Variants in KIRREL3 observed in about 807,000 individuals in gnomAD.
KIRREL3 encodes kirre like nephrin family adhesion molecule 3, also known as kin of IRRE-like protein 3.
KIRREL3 carries 36 observed loss-of-function variants against 89.7 expected under a neutral mutation model. That is an observed-to-expected ratio of 0.40 (90% confidence interval 0.31 to 0.53). The LOEUF is 0.53. Among genes scored for constraint, KIRREL3 ranks in the 20% least tolerant of loss-of-function variants. The pLI is 0.49. For synonymous variants in KIRREL3, 445 were observed against 441.4 expected (o/e 1.01, Z -0.10); for missense variants, 864 against 1,056.6 (o/e 0.82, Z 2.53).
intron 1 of KIRREL3, among the ~76,000 whole-genome samples, chr11:126,634,507 C>A (rs767092448): frequency 3.3e-5 from 5 of 152,178 alleles, no homozygotes. Flanking sequence ...CTAATGGACT[C>A]GGAACAAGTC....
chr11:126,851,225 C>G (rs117232989), intron 1 of KIRREL3, among the ~76,000 whole-genome samples: 2,944 of 152,282 alleles, frequency 0.019, 41 homozygotes, highest in Non-Finnish European at 0.029. Flanking sequence ...ATGAAAGAGC[C>G]ATATTTTGGT....
intron 2 of KIRREL3, among the ~76,000 whole-genome samples, chr11:126,533,202 C>G (rs776138418): frequency 6.6e-6 from 1 of 152,148 alleles, no homozygotes; most frequent in Non-Finnish European, 1.5e-5. Flanking sequence ...AGATAGGTAC[C>G]GTATCACACC....
chr11:126,758,691 C>T (rs564799038), intron 1 of KIRREL3, among the ~76,000 whole-genome samples: 52 of 152,278 alleles, frequency 3.4e-4, no homozygotes, highest in African/African-American at 1.2e-3. Flanking sequence ...TGACTGGAGA[C>T]CTTGCATGAT....
intron 1 of KIRREL3, among the ~76,000 whole-genome samples, chr11:126,692,210 C>T (rs1009294142): frequency 6.6e-5 from 10 of 152,058 alleles, no homozygotes; most frequent in Non-Finnish European, 1.2e-4. Flanking sequence ...TCGATTCGCA[C>T]ACCCACGTTC....
chr11:126,775,812 G>A (rs1303994819), intron 1 of KIRREL3, among the ~76,000 whole-genome samples: 2 of 152,152 alleles, frequency 1.3e-5, no homozygotes, highest in South Asian at 4.1e-4. Flanking sequence ...GGGGTGTGGA[G>A]CTGGGGTTTG....
At chr11:126,473,570 C>T (rs1257513594) in intron 4 of KIRREL3, 104 bp from the exon 5 acceptor site, 3 of 964,222 alleles carry the variant, frequency 3.1e-6, no homozygotes, top group Non-Finnish European at 4.5e-6. Flanking sequence ...CAATAATTAT[C>T]ACACATTAAT....
rs1458756952 is a variant in KIRREL3 at position 126,541,898 on chromosome 11, G to C, written c.134-15211C>G. On this transcript the variant is annotated intron_variant, in intron 2 of 16. Coordinates refer to ENST00000525144, the MANE Select transcript of KIRREL3 (RefSeq NM_032531.4). This position sits in a 1 kb window ranked among gnomAD's most constrained non-coding sequence, Gnocchi z 4.8. Reference sequence around the variant, plus strand: ...GAAGGCATTTTCACACCTTTTGAAAGTTCATGCAACCCTTTTTGTCAGTGA... The same window carrying C: ...GAAGGCATTTTCACACCTTTTGAAACTTCATGCAACCCTTTTTGTCAGTGA... 1.3e-5 allele frequency among the ~76,000 whole-genome samples: 2 copies of C among 152,226 alleles called. No homozygotes were observed. Among genetic ancestry groups the C allele is most frequent in the Non-Finnish European group, 2.9e-5 (2 of 68,044 alleles).
intron 1 of KIRREL3, among the ~76,000 whole-genome samples, chr11:126,597,651 G>A (rs1005276077): frequency 2.6e-5 from 4 of 152,228 alleles, no homozygotes; most frequent in African/African-American, 4.8e-5. Flanking sequence ...AGGTTCTCTC[G>A]AGTGCCTTCC....
At chr11:126,875,341 C>T (rs1406786887) in intron 1 of KIRREL3, among the ~76,000 whole-genome samples, 1 of 152,172 alleles carries the variant, frequency 6.6e-6, no homozygotes, top group African/African-American at 2.4e-5. Context: ...TGGGGAATGA[C>T]ACTGTCAGGG....
Position 126,429,765 on chromosome 11 carries a change from C to G in KIRREL3, c.1697-477G>C, listed in dbSNP as rs1955062166. On this transcript the variant is annotated intron_variant, in intron 14 of 16. Transcript: ENST00000525144. This position sits in a 1 kb window ranked among gnomAD's most constrained non-coding sequence, Gnocchi z 5.2. ...ACGCCCCTGAGGCAGTGGGCAGCTTCTCTGTCGACGCCTCCGTGATGGAAG... is the reference window on the plus strand; with the variant it reads ...ACGCCCCTGAGGCAGTGGGCAGCTTGTCTGTCGACGCCTCCGTGATGGAAG... Among the ~76,000 whole-genome samples the G allele has an allele frequency of 6.6e-6, 1 of 152,250 alleles. No individual in the cohort carries two copies. The highest frequency in any genetic ancestry group is 1.5e-5 in the Non-Finnish European group (1 of 68,048).
intron 1 of KIRREL3, among the ~76,000 whole-genome samples, chr11:126,927,122 C>A (rs966375187): frequency 6.6e-6 from 1 of 152,176 alleles, no homozygotes; most frequent in African/African-American, 2.4e-5. Flanking sequence ...GGAATCAAAG[C>A]CTTTCTTTTC....
At chr11:126,886,189 C>T (rs1592282575) in intron 1 of KIRREL3, among the ~76,000 whole-genome samples, 2 of 152,184 alleles carry the variant, frequency 1.3e-5, no homozygotes, top group Admixed American at 1.3e-4. Context: ...TCTGAGGATG[C>T]AAAGGGTGCA....
rs1240230702 is a variant in KIRREL3, at chr11:126,729,218, A to G, written c.56-166306T>C. Among the ~76,000 whole-genome samples, 1 of 152,248 alleles carries G rather than the reference A, an allele frequency of 6.6e-6. No homozygotes were observed. The highest frequency in any genetic ancestry group is 6.5e-5 in the Admixed American group (1 of 15,288). On this transcript the variant is annotated intron_variant, in intron 1 of 16. Coordinates refer to ENST00000525144, the MANE Select transcript of KIRREL3 (RefSeq NM_032531.4). This position sits in a 1 kb window ranked among gnomAD's most constrained non-coding sequence, Gnocchi z 4.5. The stretch of plus-strand genomic sequence containing the variant: ...AGAGGTCATGAAGAAGGACAGACCC[A>G]GTAGACTGTGGCTCAGCCTTTCTTG...
At chr11:126,617,799 T>C (rs1307814440) in intron 1 of KIRREL3, among the ~76,000 whole-genome samples, 1 of 152,214 alleles carries the variant, frequency 6.6e-6, no homozygotes, top group African/African-American at 2.4e-5. Flanking sequence ...CCACTGTATA[T>C]AAGTAGCAAA....
chr11:126,767,509 C>A (rs1313005719), intron 1 of KIRREL3, among the ~76,000 whole-genome samples: 1 of 151,740 alleles, frequency 6.6e-6, no homozygotes, highest in Admixed American at 6.6e-5. Flanking sequence ...AGTTTTGAAC[C>A]CTGGCCCTGT....
In KIRREL3 at chr11:126,661,948, T is replaced by C. The variant is rs551336804; in HGVS notation, c.56-99036A>G. On this transcript the variant is annotated intron_variant, in intron 1 of 16. Coordinates refer to ENST00000525144, the MANE Select transcript of KIRREL3 (RefSeq NM_032531.4). ...CCAGCCTTCGAAACAGCATTCTTCT[T>C]CTTTACAGGATGACAGGAAATAAAA... is the stretch of plus-strand genomic sequence containing the variant. Among the ~76,000 whole-genome samples the C allele has an allele frequency of 1.3e-4, 20 of 152,302 alleles. No homozygotes were observed. In the South Asian group the frequency reaches 4.1e-3, roughly 32 times the overall value.
At position 126,607,415 on chromosome 11, in the gene KIRREL3, G is replaced by A. The variant is rs1333727414; in HGVS notation, c.56-44503C>T. 6.6e-6 allele frequency among the ~76,000 whole-genome samples: 1 copy of A among 152,134 alleles called. No individual in the cohort carries two copies. Among genetic ancestry groups the A allele is most frequent in the Non-Finnish European group, 1.5e-5 (1 of 68,032 alleles). On this transcript the variant is annotated intron_variant, in intron 1 of 16. Coordinates refer to ENST00000525144, the MANE Select transcript of KIRREL3 (RefSeq NM_032531.4). This position sits in a 1 kb window ranked among gnomAD's most constrained non-coding sequence, Gnocchi z 6.6. ...GGGCTGGAGGAGAGATCAGGAAGGAGAGATCCACATCTGGCTCCGAGCTGA... is the reference window on the plus strand; with the variant it reads ...GGGCTGGAGGAGAGATCAGGAAGGAAAGATCCACATCTGGCTCCGAGCTGA...
chr11:126,938,085 C>T (rs1471451115), intron 1 of KIRREL3, among the ~76,000 whole-genome samples: 2 of 152,190 alleles, frequency 1.3e-5, no homozygotes, highest in East Asian at 3.9e-4. Flanking sequence ...TGAATCCCTA[C>T]TTGTTTATAC....
rs570296896 is a variant in KIRREL3 at position 126,843,339 on chromosome 11, G to A, written c.55+157116C>T. 2.6e-4 allele frequency among the ~76,000 whole-genome samples: 39 copies of A among 152,326 alleles called. No homozygotes were observed. The highest frequency in any genetic ancestry group is 8.7e-4 in the African/African-American group (36 of 41,574). ...CCTCGAAGTCAAAGGCAATCTGGAA[G>A]ATCTCCAAGTGTAAAGGTGCATGAG... On this transcript the variant is annotated intron_variant, in intron 1 of 16. Transcript: ENST00000525144. This position sits in a 1 kb window ranked among gnomAD's most constrained non-coding sequence, Gnocchi z 4.6.
Sources: gnomAD v4.1 joint callset for allele counts (sites outside exome capture counted in the v4.1 genomes callset) on GRCh38, gnomAD v4.1.1 for gene constraint, Gnocchi (gnomAD v3.1) non-coding constraint, MANE v1.5 for transcripts, NCBI Gene and HGNC (gene_info 2026-07-23, HGNC 2026-07-21) for gene names.